ELAPOR2: variants seen among roughly 807,000 people sequenced by gnomAD.
ELAPOR2 encodes the protein endosome-lysosome associated apoptosis and autophagy regulator family member 2.
Under a neutral mutation model 120.7 loss-of-function variants are expected in ELAPOR2, and 89 were observed. The ratio of observed to expected loss-of-function variants is 0.74; its 90% CI spans 0.62 to 0.88. The LOEUF (loss-of-function observed/expected upper bound fraction) is 0.88, where lower values mean the gene tolerates loss of function less well. Among genes scored for constraint, ELAPOR2 ranks in the 40% least tolerant of loss-of-function variants. The probability of loss-of-function intolerance (pLI) is 0.00; values close to 1 mark genes in which losing one functional copy is unlikely to be tolerated. For synonymous variants in ELAPOR2, 444 were observed against 444.9 expected (o/e 1.00, Z 0.03); for missense variants, 1,134 against 1,251.6 (o/e 0.91, Z 1.42).
chr7:86,883,461 G>C (rs1799520658), intron 21 of ELAPOR2, among the ~76,000 whole-genome samples: 1 of 152,088 alleles, frequency 6.6e-6, no homozygotes, highest in Non-Finnish European at 1.5e-5. Context: ...ATTTATAGTA[G>C]CTTTATTCAT....
intron 1 of ELAPOR2, among the ~76,000 whole-genome samples, chr7:87,050,130 G>A (rs1795059352): frequency 6.6e-6 from 1 of 152,096 alleles, no homozygotes; most frequent in African/African-American, 2.4e-5. Context: ...CCAATCTATG[G>A]TATTCTGTTA....
In ELAPOR2 at chr7:86,919,167, G is replaced by C. The variant is rs1470183546; in HGVS notation, c.1490+53C>G. 7 of 1,285,412 alleles carry C rather than the reference G, an allele frequency of 5.4e-6. No individual in the cohort carries two copies. In the Middle Eastern group the frequency reaches 5.6e-4, roughly 102 times the overall value. 79.6% of individuals were successfully genotyped at this position (1,285,412 alleles called of 1,614,324 possible). ...GTAGCCCTACTTCTTTATTTCTGTGGGGAAACAGGTGTAAGGATTCTTACA... is the reference window on the plus strand; with the variant it reads ...GTAGCCCTACTTCTTTATTTCTGTGCGGAAACAGGTGTAAGGATTCTTACA... On this transcript the variant is annotated intron_variant, in intron 11 of 21. Coordinates refer to ENST00000450689, the MANE Select transcript of ELAPOR2 (RefSeq NM_001142749.3).
chr7:86,968,620 T>C (rs910421544), intron 1 of ELAPOR2, among the ~76,000 whole-genome samples: 10 of 152,206 alleles, frequency 6.6e-5, no homozygotes, highest in African/African-American at 2.2e-4. Context: ...CAGGCTGCTA[T>C]AGAAACTGAT....
intron 19 of ELAPOR2, among the ~76,000 whole-genome samples, chr7:86,897,011 AAT>A (rs1394755092): frequency 7.9e-5 from 12 of 152,050 alleles, no homozygotes; most frequent in African/African-American, 1.9e-4. Flanking sequence ...TCTATCAATA[AAT>A]ATGTTTTTAA....
intron 1 of ELAPOR2, among the ~76,000 whole-genome samples, chr7:86,976,821 G>A (rs955961795): frequency 6.6e-6 from 1 of 152,266 alleles, no homozygotes; most frequent in South Asian, 2.1e-4. Context: ...ATGCTCCAGA[G>A]AAAAGACAAT....
chr7:86,903,221 A>C (rs112274711), intron 18 of ELAPOR2, among the ~76,000 whole-genome samples: 1 of 152,220 alleles, frequency 6.6e-6, no homozygotes, highest in Non-Finnish European at 1.5e-5. Context: ...TCTTAAGAGT[A>C]CTTATTAGTG....
chr7:86,923,854 T>C (rs1789938598), intron 10 of ELAPOR2, among the ~76,000 whole-genome samples: 1 of 152,120 alleles, frequency 6.6e-6, no homozygotes, highest in Non-Finnish European at 1.5e-5. Flanking sequence ...GTCTCCAGCT[T>C]TGAATTCCTC....
intron 1 of ELAPOR2, among the ~76,000 whole-genome samples, chr7:87,026,247 G>T (rs768869015): frequency 3.9e-5 from 6 of 151,988 alleles, no homozygotes; most frequent in Admixed American, 1.3e-4. Flanking sequence ...GTGAAGCCTG[G>T]ACATAAACCT....
intron 1 of ELAPOR2, among the ~76,000 whole-genome samples, chr7:86,967,041 G>A (rs766002811): frequency 6.6e-6 from 1 of 152,138 alleles, no homozygotes; most frequent in Non-Finnish European, 1.5e-5. Flanking sequence ...TTTTTTGGAC[G>A]ACAGGGGCAG....
chr7:86,942,167 T>C, intron 4 of ELAPOR2, 63 bp from the exon 5 acceptor site: 2 of 931,290 alleles, frequency 2.1e-6, no homozygotes, highest in Non-Finnish European at 3.4e-6. Context: ...TTAAATTCTG[T>C]ACCCAGCACA....
rs1279521664 is a variant in ELAPOR2 at position 87,041,757 on chromosome 7, A to G, written c.189+17568T>C. Among the ~76,000 whole-genome samples the G allele has an allele frequency of 2.0e-5, 3 of 152,072 alleles. 1 individual carries two copies. The highest frequency in any genetic ancestry group is 7.3e-5 in the African/African-American group (3 of 41,350). On this transcript the variant is annotated intron_variant, in intron 1 of 21. Coordinates refer to ENST00000450689, the MANE Select transcript of ELAPOR2 (RefSeq NM_001142749.3). Reference sequence around the variant, plus strand: ...TCATGACAGGATCAAATTCACACATAACAATATTAACTTTAAACGTAAATG... The same window carrying G: ...TCATGACAGGATCAAATTCACACATGACAATATTAACTTTAAACGTAAATG...
chr7:87,030,043 A>T (rs1794375914), intron 1 of ELAPOR2, among the ~76,000 whole-genome samples: 1 of 152,208 alleles, frequency 6.6e-6, no homozygotes, highest in Non-Finnish European at 1.5e-5. Flanking sequence ...TGAATTGGAA[A>T]GAGAATTGAG....
At chr7:86,939,777 A>C (rs986801013) in intron 6 of ELAPOR2, among the ~76,000 whole-genome samples, 1 of 152,102 alleles carries the variant, frequency 6.6e-6, no homozygotes, top group African/African-American at 2.4e-5. Context: ...AATTGTCATC[A>C]TGTTTACTTT....
chr7:86,908,638 T>A lies in ELAPOR2; in HGVS notation c.2360-95A>T, dbSNP rs138172434. 1,240 of 568,558 alleles carry A rather than the reference T, an allele frequency of 2.2e-3. 23 individuals are homozygous for A. In the East Asian group the frequency reaches 0.03, roughly 14 times the overall value. The allele number at this position is 568,558 out of a possible 1,614,324, so 35.2% of individuals were successfully genotyped here. On this transcript the variant is annotated intron_variant, in intron 16 of 21. Coordinates refer to ENST00000450689, the MANE Select transcript of ELAPOR2 (RefSeq NM_001142749.3). ...GAATAGAAAATAGCTTTAATGACTG[T>A]CATTTTACAATATTTACAGAAATGC...
At chr7:87,015,725 T>G (rs1793846224) in intron 1 of ELAPOR2, among the ~76,000 whole-genome samples, 1 of 152,134 alleles carries the variant, frequency 6.6e-6, no homozygotes, top group Non-Finnish European at 1.5e-5. Context: ...TACTCCCAGC[T>G]ACTCCCAACT....
intron 20 of ELAPOR2, 111 bp from the exon 21 acceptor site, chr7:86,892,000 T>C (rs1788189740): frequency 1.5e-6 from 1 of 679,812 alleles, no homozygotes; most frequent in African/African-American, 1.8e-5. Context: ...TGGAGTATAA[T>C]TGCTCCACCA....
At chr7:87,004,128 G>C (rs923295688) in intron 1 of ELAPOR2, among the ~76,000 whole-genome samples, 5 of 152,122 alleles carry the variant, frequency 3.3e-5, no homozygotes, top group African/African-American at 9.7e-5. Flanking sequence ...AAAAGGGAGA[G>C]GGCCAAGGCA....
chr7:87,059,433 C>T lies in ELAPOR2; in HGVS notation c.81G>A (p.Pro27=), dbSNP rs1440961217. The T allele has an allele frequency of 3.2e-6, 4 of 1,233,450 alleles. No individual in the cohort carries two copies. Among genetic ancestry groups the T allele is most frequent in the Non-Finnish European group, 4.1e-6 (4 of 984,880 alleles). 76.4% of individuals were successfully genotyped at this position (1,233,450 alleles called of 1,614,324 possible). A position where few individuals can be genotyped will look rare whatever the true frequency, so the allele number is the denominator to read the frequency against. ...AGCAAATCCAGGCGGGGCTCCAGGG[C>T]GGCGAGCGCCCGCGGCGGGGAGCCT... ...PAEAPRRGRS[P]PWSPAWICCW... The change falls in exon 1 of 22, where the codon CCG becomes CCA. Residue 27 remains proline, a synonymous_variant. Transcript: ENST00000450689.
chr7:86,886,146 G>C (rs1263898894), intron 21 of ELAPOR2, among the ~76,000 whole-genome samples: 3 of 152,184 alleles, frequency 2.0e-5, no homozygotes, highest in South Asian at 2.1e-4. Flanking sequence ...AAAACATTCA[G>C]GGACCTGCTA....
Sources: gnomAD v4.1 joint callset for allele counts (sites outside exome capture counted in the v4.1 genomes callset) on GRCh38, gnomAD v4.1.1 for gene constraint, MANE v1.5 for transcripts, NCBI Gene and HGNC (gene_info 2026-07-23, HGNC 2026-07-21) for gene names.